The following PLA2G4A variants were observed in gnomAD, a reference collection of about 807,000 sequenced individuals.
PLA2G4A encodes the protein phospholipase A2 group IVA.
PLA2G4A carries 40 observed loss-of-function variants against 81.9 expected under a neutral mutation model. The ratio of observed to expected loss-of-function variants is 0.49; its 90% CI spans 0.38 to 0.64. The LOEUF is 0.64. Among genes scored for constraint, PLA2G4A ranks in the 30% least tolerant of loss-of-function variants. The pLI is 0.00. For missense variants in PLA2G4A, 715 were observed against 905.1 expected (o/e 0.79, Z 2.69); for synonymous variants, 302 against 296.9 (o/e 1.02, Z -0.18).
intron 3 of PLA2G4A, chr1:186,870,813 C>T (rs1191362244): frequency 1.0e-6 from 1 of 982,168 alleles, no homozygotes. Context: ...TACTTGAGTT[C>T]CTTGACAAAT....
chr1:186,968,011 G>A (rs1462920215), intron 15 of PLA2G4A, among the ~76,000 whole-genome samples: 1 of 152,044 alleles, frequency 6.6e-6, no homozygotes, highest in African/African-American at 2.4e-5. Context: ...CACCAGAGTG[G>A]GTGACTATGA....
chr1:186,876,274 T>C (rs1653493708), intron 3 of PLA2G4A, among the ~76,000 whole-genome samples: 1 of 152,130 alleles, frequency 6.6e-6, no homozygotes, highest in African/African-American at 2.4e-5. Flanking sequence ...TGTGCAAATG[T>C]TCAGTTCTTT....
Position 186,932,843 on chromosome 1 carries a change from C to T in PLA2G4A, c.639C>T (p.Tyr213=), listed in dbSNP as rs750211032. The T allele has an allele frequency of 9.9e-6, 16 of 1,612,482 alleles. No homozygotes were observed. The highest frequency in any genetic ancestry group is 9.3e-5 in the African/African-American group (7 of 74,868). The part of the protein sequence containing the change: ...VGFSGVMKAL[Y]ESGILDCATY... ...TCTCTGGTGTGATGAAGGCATTATA[C>T]GAATCAGGAATTCTGGATTGTGCTA... Residue 213 remains tyrosine (Y), a synonymous_variant, in exon 8 of 18, where the codon TAC becomes TAT. Transcript: ENST00000367466.
In PLA2G4A at chr1:186,912,779, T is replaced by C. The variant is rs7536112; in HGVS notation, c.558+1390T>C. ...ATATATACATAAGTATATATATATG[T>C]ATACTTATATATATATGTATATATA... On this transcript the variant is annotated intron_variant, in intron 7 of 17. Transcript: ENST00000367466. Among the ~76,000 whole-genome samples the C allele has an allele frequency of 3.0e-3, 404 of 134,308 alleles. 2 individuals are homozygous for C. The highest frequency in any genetic ancestry group is 0.011 in the African/African-American group (363 of 32,324). The allele number at this position is 134,308 out of a possible 152,430, so 88.1% of individuals were successfully genotyped here.
chr1:186,894,500 C>A (rs112001355), intron 5 of PLA2G4A, among the ~76,000 whole-genome samples: 2 of 151,932 alleles, frequency 1.3e-5, no homozygotes, highest in African/African-American at 2.4e-5. Flanking sequence ...ACTCTAATGG[C>A]AAAATTTAAT....
In PLA2G4A at chr1:186,896,014, C is replaced by A. The variant is rs147091539; in HGVS notation, c.378+1803C>A. On this transcript the variant is annotated intron_variant, in intron 5 of 17. Coordinates refer to ENST00000367466, the MANE Select transcript of PLA2G4A (RefSeq NM_024420.3). ...ATAATATATAATATAATGTATATTA[C>A]ATATGAATACATTTAATTATAATTT... 6.9e-4 allele frequency among the ~76,000 whole-genome samples: 104 copies of A among 150,900 alleles called. 2 individuals are homozygous for A. The highest frequency in any genetic ancestry group is 2.4e-3 in the African/African-American group (97 of 41,190).
chr1:186,869,568 C>T (rs1363590492), intron 2 of PLA2G4A, among the ~76,000 whole-genome samples: 1 of 151,936 alleles, frequency 6.6e-6, no homozygotes, highest in African/African-American at 2.4e-5. Flanking sequence ...TTTTTTTTGC[C>T]TCCTTGCATT....
chr1:186,848,592 T>C (rs1253368502), intron 1 of PLA2G4A, among the ~76,000 whole-genome samples: 2 of 152,134 alleles, frequency 1.3e-5, no homozygotes, highest in African/African-American at 4.8e-5. Context: ...TGCCTGAGAT[T>C]TCATCAGGGT....
intron 4 of PLA2G4A, among the ~76,000 whole-genome samples, chr1:186,893,579 A>G (rs773302254): frequency 6.6e-6 from 1 of 152,178 alleles, no homozygotes; most frequent in Non-Finnish European, 1.5e-5. Context: ...TGATAATTGA[A>G]TAAATCAATC....
At chr1:186,933,182 A>C (rs2102204719) in intron 8 of PLA2G4A, among the ~76,000 whole-genome samples, 1 of 152,278 alleles carries the variant, frequency 6.6e-6, no homozygotes, top group South Asian at 2.1e-4. Context: ...GTTCTAGATA[A>C]AAATAGAAGT....
chr1:186,890,026 C>T lies in PLA2G4A; in HGVS notation c.116-2985C>T, dbSNP rs542328019. ...TATTTCTCAGTTCCTGTTACTTTAA[C>T]ACTAAAATAAAGTACTTACATTATA... On this transcript the variant is annotated intron_variant, in intron 3 of 17. Transcript: ENST00000367466. Among the ~76,000 whole-genome samples, 31 of 152,256 alleles carry T rather than the reference C, an allele frequency of 2.0e-4. No individual in the cohort carries two copies. The South Asian group carries it at 6.4e-3, about 32-fold the overall frequency.
intron 14 of PLA2G4A, 51 bp downstream of exon 14, chr1:186,956,395 C>A: frequency 1.3e-6 from 2 of 1,523,682 alleles, no homozygotes. Context: ...ATCTTTATTC[C>A]TTCTCTGGAG....
rs373653282 is a variant in PLA2G4A, at chr1:186,885,823, C to A, written c.116-7188C>A. ...AACAGTTAAAGAGAGAATTACTGAA[C>A]TGAAAAATAAGTCTATAGAAAATAT... On this transcript the variant is annotated intron_variant, in intron 3 of 17. Coordinates refer to ENST00000367466, the MANE Select transcript of PLA2G4A (RefSeq NM_024420.3). Among the ~76,000 whole-genome samples the A allele has an allele frequency of 1.1e-4, 17 of 151,836 alleles. No homozygotes were observed. In the East Asian group the frequency reaches 1.2e-3, roughly 10 times the overall value.
intron 1 of PLA2G4A, among the ~76,000 whole-genome samples, chr1:186,829,461 T>A: frequency 6.6e-6 from 1 of 152,190 alleles, no homozygotes; most frequent in East Asian, 1.9e-4. Context: ...TTGACTCACT[T>A]AACTTTTAAT....
At chr1:186,941,503 G>A (rs1055515619) in intron 10 of PLA2G4A, among the ~76,000 whole-genome samples, 3 of 152,126 alleles carry the variant, frequency 2.0e-5, no homozygotes, top group Admixed American at 6.5e-5. Flanking sequence ...TCCTACAACC[G>A]GGGAGTAGGT....
chr1:186,854,452 C>T (rs936822826), intron 2 of PLA2G4A, 65 bp downstream of exon 2: 39 of 1,037,694 alleles, frequency 3.8e-5, no homozygotes, highest in African/African-American at 1.7e-4. Context: ...GTGAATATTG[C>T]GGGTGTTGCT....
intron 7 of PLA2G4A, among the ~76,000 whole-genome samples, chr1:186,919,454 G>T (rs997837767): frequency 3.3e-5 from 5 of 152,148 alleles, no homozygotes; most frequent in African/African-American, 4.8e-5. Context: ...GCTGAAGCAG[G>T]ACATCCATCC....
chr1:186,840,336 G>A (rs1374673465), intron 1 of PLA2G4A, among the ~76,000 whole-genome samples: 1 of 151,996 alleles, frequency 6.6e-6, no homozygotes, highest in African/African-American at 2.4e-5. Context: ...CAAAAGACTA[G>A]GTTTCTTGTT....
intron 1 of PLA2G4A, among the ~76,000 whole-genome samples, chr1:186,842,965 T>G (rs374683381): frequency 6.6e-6 from 1 of 152,210 alleles, no homozygotes; most frequent in Admixed American, 6.5e-5. Flanking sequence ...CAGGGTCTTT[T>G]GTAGAGTGAA....
Sources: allele counts gnomAD v4.1 joint callset (sites outside exome capture counted in the v4.1 genomes callset), GRCh38; gene constraint gnomAD v4.1.1; transcripts MANE v1.5; gene names NCBI Gene and HGNC (gene_info 2026-07-23, HGNC 2026-07-21).